The following SNX22 variants were observed in gnomAD, a reference collection of about 807,000 sequenced individuals.
SNX22 encodes sorting nexin 22, also known as sorting nexin-22.
A neutral mutation model predicts 24.7 loss-of-function variants in SNX22; 23 were observed. That is an observed-to-expected ratio of 0.93 (90% CI 0.67 to 1.32). The LOEUF (loss-of-function observed/expected upper bound fraction) is 1.32. Among genes scored for constraint, SNX22 ranks in the 40% most tolerant of loss-of-function variants. The pLI, the probability that SNX22 is intolerant of heterozygous loss-of-function variation, is 0.00. For synonymous variants in SNX22, 99 were observed against 104.0 expected (o/e 0.95, Z 0.29); for missense variants, 261 against 249.9 (o/e 1.04, Z -0.30).
intron 5 of SNX22, 28 bp downstream of exon 5, chr15:64,153,712 G>A: frequency 6.2e-7 from 1 of 1,613,934 alleles, no homozygotes; most frequent in Non-Finnish European, 8.5e-7. Context: ...CCCGCGCTTG[G>A]CCCCTGCTGC....
rs550640457 is a variant in SNX22 at position 64,154,883 on chromosome 15, C to T, written c.*375C>T. The T allele has an allele frequency of 1.3e-3, 204 of 153,610 alleles. 2 individuals carry two copies. Among genetic ancestry groups the T allele is most frequent in the Non-Finnish European group, 2.1e-3 (148 of 70,854 alleles). 9.5% of individuals were successfully genotyped at this position (153,610 alleles called of 1,614,324 possible). A position where few individuals can be genotyped will look rare whatever the true frequency, so the allele number is the denominator to read the frequency against. On this transcript the variant is annotated 3_prime_UTR_variant, in exon 7 of 7. Coordinates refer to ENST00000325881, the MANE Select transcript of SNX22 (RefSeq NM_024798.3). ...AGAAACCCCGTCTCTACTAAAAATA[C>T]AAAATTAGCCGGGCATTGTGGTGGT...
rs749670269 is a variant in SNX22, at chr15:64,156,108, C to A, written c.*1600C>A. On this transcript the variant is annotated 3_prime_UTR_variant, in exon 7 of 7. Transcript: ENST00000325881. The surrounding 1 kb of genome is among the most constrained non-coding windows in gnomAD (Gnocchi z 6.4). ...CACATCCTTCAGGGGTTTATCCCGG[C>A]TGTCTGTCTTGGTGCTCTCCACCTT... 1 of 1,614,238 alleles carries A rather than the reference C, an allele frequency of 6.2e-7. No homozygotes were observed. The highest frequency in any genetic ancestry group is 2.2e-5 in the East Asian group (1 of 44,884).
rs376202696 is a variant in SNX22 at position 64,155,839 on chromosome 15, A to AT, written c.*1340dup. 2,255 of 766,968 alleles carry AT rather than the reference A, an allele frequency of 2.9e-3. No homozygotes were observed. Among genetic ancestry groups the AT allele is most frequent in the East Asian group, 3.9e-3 (128 of 32,924 alleles). The allele number at this position is 766,968 out of a possible 1,614,324, so 47.5% of individuals were successfully genotyped here. On this transcript the variant is annotated 3_prime_UTR_variant, in exon 7 of 7. Transcript: ENST00000325881. ...ATATATTAAAAAAAAAAAAACCCAC[A>AT]TTTTTTTTTATTGGTCAGTGTTGGT...
chr15:64,152,753 G>A lies in SNX22; in HGVS notation c.264+11G>A, dbSNP rs752107712. ...GAGGCTTACATCCAGGTATGCGAGA[G>A]CACAGTTGGTTGCCCCCCGGCCTTC... is the stretch of plus-strand genomic sequence containing the variant. On this transcript the variant is annotated intron_variant, in intron 3 of 6. Coordinates refer to ENST00000325881, the MANE Select transcript of SNX22 (RefSeq NM_024798.3). 8.1e-6 allele frequency: 13 copies of A among 1,612,934 alleles called. No homozygotes were observed. The highest frequency in any genetic ancestry group is 2.7e-5 in the African/African-American group (2 of 75,052).
intron 2 of SNX22, 134 bp downstream of exon 2, chr15:64,152,460 G>A: frequency 2.4e-6 from 3 of 1,243,200 alleles, no homozygotes; most frequent in South Asian, 2.7e-5. Flanking sequence ...CAGCCGGTCA[G>A]CCCCCGGGCC....
chr15:64,156,061 T>A lies in SNX22; in HGVS notation c.*1553T>A, dbSNP rs1479203449. The A allele has an allele frequency of 1.2e-6, 2 of 1,614,088 alleles. No homozygotes were observed. The highest frequency in any genetic ancestry group is 2.7e-5 in the African/African-American group (2 of 74,930). On this transcript the variant is annotated 3_prime_UTR_variant, in exon 7 of 7. Coordinates refer to ENST00000325881, the MANE Select transcript of SNX22 (RefSeq NM_024798.3). The surrounding 1 kb of genome is among the most constrained non-coding windows in gnomAD (Gnocchi z 6.4). The stretch of plus-strand genomic sequence containing the variant: ...ATGGCAAAGGGCTTCTCCACCTCGA[T>A]CTTGCCGCAGTCTGCGATGATCACA...
chr15:64,152,978 T>A (rs961947779), intron 3 of SNX22: 1 of 606,616 alleles, frequency 1.6e-6, no homozygotes, highest in Non-Finnish European at 2.9e-6. Context: ...CCAGGTCCTG[T>A]CCCCTCCATG....
chr15:64,153,856 T>C, intron 5 of SNX22, 79 bp from the exon 6 acceptor site: 1 of 1,591,800 alleles, frequency 6.3e-7, no homozygotes, highest in Non-Finnish European at 8.6e-7. Flanking sequence ...TCCCTGGTGA[T>C]GGCAACCCCG....
In SNX22 at chr15:64,154,725, G is replaced by A; in HGVS notation, c.*217G>A. 2 of 511,590 alleles carry A rather than the reference G, an allele frequency of 3.9e-6. No individual in the cohort carries two copies. Among genetic ancestry groups the A allele is most frequent in the South Asian group, 3.2e-5 (1 of 31,134 alleles). The allele number at this position is 511,590 out of a possible 1,614,324, so 31.7% of individuals were successfully genotyped here. ...CTTAGAGCCCAACAGCCAAGGCAGGGTCAAGAAGATAAGTAATAAAAGAGG... is the reference window on the plus strand; with the variant it reads ...CTTAGAGCCCAACAGCCAAGGCAGGATCAAGAAGATAAGTAATAAAAGAGG... On this transcript the variant is annotated 3_prime_UTR_variant, in exon 7 of 7. Transcript: ENST00000325881.
Position 64,152,278 on chromosome 15 carries a change from A to G in SNX22, c.111A>G (p.Arg37=). The part of the protein sequence containing the change: ...FRVEVLCSGR[R]HTVPRRYSEF... ...TGGAGGTGCTGTGCAGCGGGCGCAG[A>G]CACACGGTGCCAAGGCGCTACAGCG... Residue 37 remains arginine, a synonymous_variant, in exon 2 of 7, where the codon AGA becomes AGG. Transcript: ENST00000325881. 6.7e-7 allele frequency: 1 copy of G among 1,490,080 alleles called. No homozygotes were observed. Among genetic ancestry groups the G allele is most frequent in the South Asian group, 1.3e-5 (1 of 78,528 alleles). 92.3% of individuals were successfully genotyped at this position (1,490,080 alleles called of 1,614,324 possible). A position where few individuals can be genotyped will look rare whatever the true frequency, so the allele number is the denominator to read the frequency against.
Position 64,152,751 on chromosome 15 carries a change from G to A in SNX22, c.264+9G>A. 2 of 1,613,050 alleles carry A rather than the reference G, an allele frequency of 1.2e-6. No homozygotes were observed. The highest frequency in any genetic ancestry group is 1.7e-6 in the Non-Finnish European group (2 of 1,179,124). On this transcript the variant is annotated intron_variant, in intron 3 of 6. Coordinates refer to ENST00000325881, the MANE Select transcript of SNX22 (RefSeq NM_024798.3). ...TGGAGGCTTACATCCAGGTATGCGA[G>A]AGCACAGTTGGTTGCCCCCCGGCCT...
chr15:64,154,668 T>C lies in SNX22; in HGVS notation c.*160T>C, dbSNP rs2081513600. On this transcript the variant is annotated 3_prime_UTR_variant, in exon 7 of 7. Coordinates refer to ENST00000325881, the MANE Select transcript of SNX22 (RefSeq NM_024798.3). ...CTCAAGGCTCAGAACTTGGCTCGCATTGGTAGCTGGAGGTGGTAGAATTTG... is the reference window on the plus strand; with the variant it reads ...CTCAAGGCTCAGAACTTGGCTCGCACTGGTAGCTGGAGGTGGTAGAATTTG... 9.8e-6 allele frequency: 9 copies of C among 920,658 alleles called. No individual in the cohort carries two copies. The highest frequency in any genetic ancestry group is 2.6e-5 in the Admixed American group (1 of 38,988). The allele number at this position is 920,658 out of a possible 1,614,324, so 57.0% of individuals were successfully genotyped here.
rs1225215758 is a variant in SNX22 at position 64,155,720 on chromosome 15, G to C, written c.*1212G>C. 2.8e-6 allele frequency: 1 copy of C among 353,236 alleles called. No individual in the cohort carries two copies. The highest frequency in any genetic ancestry group is 6.4e-5 in the East Asian group (1 of 15,510). The allele number at this position is 353,236 out of a possible 1,614,324, so 21.9% of individuals were successfully genotyped here. A position where few individuals can be genotyped will look rare whatever the true frequency, so the allele number is the denominator to read the frequency against. On this transcript the variant is annotated 3_prime_UTR_variant, in exon 7 of 7. Coordinates refer to ENST00000325881, the MANE Select transcript of SNX22 (RefSeq NM_024798.3). ...AAATTTCAGGCAGGATCCCAGGGAA[G>C]GGGCAGGCACCCATTGCCACAGGAG...
At chr15:64,152,766 C>T (rs1205131181) in intron 3 of SNX22, 24 bp downstream of exon 3, 4 of 1,603,710 alleles carry the variant, frequency 2.5e-6, no homozygotes, top group Non-Finnish European at 3.4e-6. Flanking sequence ...CAGTTGGTTG[C>T]CCCCCGGCCT....
Position 64,156,535 on chromosome 15 carries a change from AG to A in SNX22, c.*2032del, listed in dbSNP as rs1376896832. 4.8e-5 allele frequency: 36 copies of A among 757,378 alleles called. No homozygotes were observed. The highest frequency in any genetic ancestry group is 6.3e-5 in the Non-Finnish European group (28 of 445,430). The allele number at this position is 757,378 out of a possible 1,614,324, so 46.9% of individuals were successfully genotyped here. A position where few individuals can be genotyped will look rare whatever the true frequency, so the allele number is the denominator to read the frequency against. On this transcript the variant is annotated 3_prime_UTR_variant, in exon 7 of 7. Coordinates refer to ENST00000325881, the MANE Select transcript of SNX22 (RefSeq NM_024798.3). The surrounding 1 kb of genome is among the most constrained non-coding windows in gnomAD (Gnocchi z 6.4). ...GTGCAGCCTTCCTGGCTGGGCTCTG[AG>A]GGGGCTGGAAGAATTTAGAACCTTG... is the stretch of plus-strand genomic sequence containing the variant.
chr15:64,154,449 C>G lies in SNX22; in HGVS notation c.523C>G (p.Pro175Ala). Residue 175 changes from proline to alanine, a missense_variant, in exon 7 of 7, where the codon CCA becomes GCA. Coordinates refer to ENST00000325881, the MANE Select transcript of SNX22 (RefSeq NM_024798.3). ...LQGLYSFSISPDKAQPKAACH... is the reference protein window; with the variant it reads ...LQGLYSFSISADKAQPKAACH... Reference sequence around the variant, plus strand: ...GGGCCTCTACAGCTTCAGCATCAGCCCAGATAAAGCCCAGCCAAAGGCGGC... The same window carrying G: ...GGGCCTCTACAGCTTCAGCATCAGCGCAGATAAAGCCCAGCCAAAGGCGGC... 6.2e-7 allele frequency: 1 copy of G among 1,614,134 alleles called. No individual in the cohort carries two copies. Among genetic ancestry groups the G allele is most frequent in the Non-Finnish European group, 8.5e-7 (1 of 1,180,016 alleles).
chr15:64,153,563 A>T, intron 4 of SNX22, 89 bp from the exon 5 acceptor site: 1 of 1,557,860 alleles, frequency 6.4e-7, no homozygotes, highest in Admixed American at 1.7e-5. Flanking sequence ...GTCCCCTGGG[A>T]GGTGCAGTTC....
chr15:64,152,775 C>T (rs2081496871), intron 3 of SNX22, 33 bp downstream of exon 3: 3 of 1,593,470 alleles, frequency 1.9e-6, no homozygotes, highest in African/African-American at 1.3e-5. Flanking sequence ...GCCCCCCGGC[C>T]TTCTGTGCCA....
At chr15:64,153,448 C>G (rs555390911) in intron 4 of SNX22, 109 bp downstream of exon 4, 7 of 1,555,684 alleles carry the variant, frequency 4.5e-6, no homozygotes, top group African/African-American at 1.4e-5. Context: ...CCAGCATGAC[C>G]GCCCTCACCA....
Sources: allele counts gnomAD v4.1 joint callset, GRCh38; gene constraint gnomAD v4.1.1; non-coding constraint Gnocchi (gnomAD v3.1); transcripts MANE v1.5; gene names NCBI Gene and HGNC (gene_info 2026-07-23, HGNC 2026-07-21).